The following HEATR1 variants were observed in gnomAD, a reference collection of about 807,000 sequenced individuals.
HEATR1 encodes the protein HEAT repeat containing 1.
In HEATR1, 77 loss-of-function variants were observed where a neutral mutation model predicts 248.2. The ratio of observed to expected loss-of-function variants is 0.31; its 90% CI spans 0.26 to 0.37. HEATR1 has a LOEUF of 0.37. Among genes scored for constraint, HEATR1 ranks in the 10% least tolerant of loss-of-function variants. The probability of loss-of-function intolerance (pLI) is 1.00; values close to 1 mark genes in which losing one functional copy is unlikely to be tolerated. For synonymous variants in HEATR1, 897 were observed against 923.1 expected (o/e 0.97, Z 0.51); for missense variants, 2,420 against 2,504.9 (o/e 0.97, Z 0.72).
At chr1:236,594,941 G>T (rs944327343) in intron 8 of HEATR1, among the ~76,000 whole-genome samples, 2 of 152,096 alleles carry the variant, frequency 1.3e-5, no homozygotes, top group African/African-American at 4.8e-5. Context: ...TGGGACCACA[G>T]TTGCATGTCA....
chr1:236,559,167 G>T, intron 34 of HEATR1, 32 bp from the exon 35 acceptor site: 1 of 1,499,592 alleles, frequency 6.7e-7, no homozygotes, highest in East Asian at 2.4e-5. Context: ...AACATGAAAA[G>T]AAAAACAAAT....
intron 24 of HEATR1, among the ~76,000 whole-genome samples, chr1:236,573,536 A>AT (rs56276595): frequency 0.067 from 10,049 of 150,770 alleles, 491 homozygotes; most frequent in East Asian, 0.14. Context: ...CCAAGGAATT[A>AT]TTTTTTTTTT....
At chr1:236,598,626 A>G (rs2163137) in intron 4 of HEATR1, among the ~76,000 whole-genome samples, 98,405 of 151,958 alleles carry the variant, frequency 0.65, 33,819 homozygotes, top group Non-Finnish European at 0.75. Flanking sequence ...CTTCTCCAAC[A>G]TTCTTTAGTT....
At chr1:236,584,116 T>C (rs1241086948) in intron 17 of HEATR1, among the ~76,000 whole-genome samples, 2 of 152,164 alleles carry the variant, frequency 1.3e-5, no homozygotes, top group Non-Finnish European at 2.9e-5. Flanking sequence ...CTCAACGTGC[T>C]GCTACAGGCG....
intron 23 of HEATR1, 92 bp downstream of exon 23, chr1:236,574,566 ATAT>A: frequency 7.1e-7 from 1 of 1,409,126 alleles, no homozygotes; most frequent in Non-Finnish European, 9.6e-7. Context: ...TCCAAATAAA[ATAT>A]TAATCTTTTT....
At chr1:236,589,379 T>TATTA (rs1663971337) in intron 12 of HEATR1, among the ~76,000 whole-genome samples, 1 of 152,228 alleles carries the variant, frequency 6.6e-6, no homozygotes, top group South Asian at 2.1e-4. Flanking sequence ...CAAACCTGAA[T>TATTA]ATTACATCAG....
At chr1:236,561,501 G>C (rs1379741539) in intron 32 of HEATR1, among the ~76,000 whole-genome samples, 1 of 152,122 alleles carries the variant, frequency 6.6e-6, no homozygotes, top group Non-Finnish European at 1.5e-5. Flanking sequence ...TACTACAATG[G>C]TTCAGAAAAA....
chr1:236,604,379 C>T (rs538286760), intron 1 of HEATR1, 43 bp downstream of exon 1: 172 of 299,284 alleles, frequency 5.7e-4, no homozygotes, highest in African/African-American at 3.4e-3. Flanking sequence ...CTCGATATGC[C>T]GCCCCCATCC....
chr1:236,581,434 A>AG lies in HEATR1; in HGVS notation c.2563-21dup. 1 of 1,286,602 alleles carries AG rather than the reference A, an allele frequency of 7.8e-7. No individual in the cohort carries two copies. Among genetic ancestry groups the AG allele is most frequent in the Non-Finnish European group, 1.1e-6 (1 of 942,778 alleles). 79.7% of individuals were successfully genotyped at this position (1,286,602 alleles called of 1,614,324 possible). Reference sequence around the variant, plus strand: ...ATGCACCTAATTAAAAAAAAAAAAAAGCAAACTTTTAATTCTTACTCAAAT... The same window carrying AG: ...ATGCACCTAATTAAAAAAAAAAAAAAGGCAAACTTTTAATTCTTACTCAAAT... On this transcript the variant is annotated intron_variant, in intron 19 of 44. Transcript: ENST00000366582.
At chr1:236,555,727 T>C (rs1558176842) in intron 39 of HEATR1, 72 bp from the exon 40 acceptor site, 2 of 1,606,248 alleles carry the variant, frequency 1.2e-6, no homozygotes, top group East Asian at 4.5e-5. Flanking sequence ...GTACCACTGT[T>C]ACACGGCTAG....
chr1:236,563,184 T>A (rs1191758663), intron 32 of HEATR1, among the ~76,000 whole-genome samples: 2 of 152,268 alleles, frequency 1.3e-5, no homozygotes, highest in Admixed American at 6.5e-5. Context: ...CATCATTAGG[T>A]ATGATATAAA....
At chr1:236,581,667 G>C (rs1663745166) in intron 19 of HEATR1, among the ~76,000 whole-genome samples, 1 of 152,086 alleles carries the variant, frequency 6.6e-6, no homozygotes, top group South Asian at 2.1e-4. Context: ...GCAGTATCTG[G>C]GACGCCTAAT....
chr1:236,582,523 C>T (rs897411055), intron 19 of HEATR1, among the ~76,000 whole-genome samples: 1 of 152,130 alleles, frequency 6.6e-6, no homozygotes, highest in Admixed American at 6.5e-5. Context: ...CCTGCCTCTG[C>T]CTCCCAAGTG....
At chr1:236,586,541 C>T in intron 14 of HEATR1, 89 bp from the exon 15 acceptor site, 10 of 805,446 alleles carry the variant, frequency 1.2e-5, no homozygotes, top group Non-Finnish European at 2.1e-5. Flanking sequence ...TCCAGCTTAA[C>T]TGACAATATC....
At chr1:236,583,642 A>G (rs1016294825) in intron 17 of HEATR1, among the ~76,000 whole-genome samples, 1 of 152,044 alleles carries the variant, frequency 6.6e-6, no homozygotes, top group African/African-American at 2.4e-5. Context: ...GCCCGCCATC[A>G]TGCCTGGCTA....
intron 42 of HEATR1, among the ~76,000 whole-genome samples, chr1:236,553,948 C>CA (rs1340042742): frequency 6.6e-6 from 1 of 152,176 alleles, no homozygotes; most frequent in African/African-American, 2.4e-5. Context: ...CCTTTCTCTC[C>CA]AGCAGAACAT....
chr1:236,594,454 G>C (rs16834030), intron 8 of HEATR1, among the ~76,000 whole-genome samples: 2,673 of 152,280 alleles, frequency 0.018, 17 homozygotes, highest in Middle Eastern at 0.075. Flanking sequence ...TCTCTGAAAA[G>C]AGGTTAAACT....
At chr1:236,558,670 C>T in intron 35 of HEATR1, 141 bp from the exon 36 acceptor site, 1 of 834,864 alleles carries the variant, frequency 1.2e-6, no homozygotes, top group Non-Finnish European at 1.9e-6. Context: ...AAGCGATGTG[C>T]ATGTTCTAGC....
chr1:236,551,693 T>G, intron 44 of HEATR1: 1 of 237,894 alleles, frequency 4.2e-6, no homozygotes, highest in South Asian at 9.6e-5. Context: ...TGAGGTTAAT[T>G]AAAAACACTA....
Sources: allele counts gnomAD v4.1 joint callset (sites outside exome capture counted in the v4.1 genomes callset), GRCh38; gene constraint gnomAD v4.1.1; transcripts MANE v1.5; gene names NCBI Gene and HGNC (gene_info 2026-07-23, HGNC 2026-07-21).